The following PSMA1 variants were observed in gnomAD, a reference collection of about 807,000 sequenced individuals.
PSMA1 encodes the protein proteasome subunit alpha type-1.
Under a neutral mutation model 38.4 loss-of-function variants are expected in PSMA1, and 3 were observed. The ratio of observed to expected loss-of-function variants is 0.08; its 90% CI spans 0.04 to 0.20. The LOEUF (loss-of-function observed/expected upper bound fraction) is 0.20, where lower values mean the gene tolerates loss of function less well. Ranked by LOEUF, PSMA1 falls within the 10% of genes least tolerant of loss-of-function variation. The probability of loss-of-function intolerance (pLI) is 1.00; values close to 1 mark genes in which losing one functional copy is unlikely to be tolerated. For synonymous variants in PSMA1, 101 were observed against 107.1 expected (o/e 0.94, Z 0.35); for missense variants, 227 against 325.3 (o/e 0.70, Z 2.32).
chr11:14,533,771 A>G (rs1345056070), intron 2 of PSMA1, among the ~76,000 whole-genome samples: 2 of 151,946 alleles, frequency 1.3e-5, no homozygotes, highest in Admixed American at 6.6e-5. Flanking sequence ...CTCATTTCAC[A>G]AGACAGAGCC....
chr11:14,514,489 T>A lies in PSMA1; in HGVS notation c.257A>T (p.Asn86Ile). 1 of 1,550,360 alleles carries A rather than the reference T, an allele frequency of 6.5e-7. No homozygotes were observed. The highest frequency in any genetic ancestry group is 8.7e-7 in the Non-Finnish European group (1 of 1,155,312). ...GLTADARLLC[N>I]FMRQECLDSR... ...ATCCAAACACTCCTGACGCATAAAA[T>A]TACTAAAAAAGAAACAAAAAAAGTT... Residue 86 changes from asparagine to isoleucine, a missense_variant and splice_region_variant, in exon 5 of 10, where the codon AAT becomes ATT. Transcript: ENST00000396394.
At chr11:14,571,033 G>A (rs1424618704) in intron 2 of PSMA1, among the ~76,000 whole-genome samples, 1 of 152,192 alleles carries the variant, frequency 6.6e-6, no homozygotes, top group Non-Finnish European at 1.5e-5. Flanking sequence ...CAAGCCAGAA[G>A]AGAGTGGGGG....
chr11:14,517,764 A>T lies in PSMA1; in HGVS notation c.151-19T>A. On this transcript the variant is annotated intron_variant, in intron 3 of 9. Transcript: ENST00000396394. ...GCGCCCTCTAAATAGAGACATTATA[A>T]GATGTAAAAAAAAAAAAAAAAGAGA... is the stretch of plus-strand genomic sequence containing the variant. 1 of 1,493,102 alleles carries T rather than the reference A, an allele frequency of 6.7e-7. No homozygotes were observed. Among genetic ancestry groups the T allele is most frequent in the South Asian group, 1.2e-5 (1 of 81,056 alleles). 92.5% of individuals were successfully genotyped at this position (1,493,102 alleles called of 1,614,324 possible).
At chr11:14,530,919 A>T (rs1448779837) in intron 2 of PSMA1, among the ~76,000 whole-genome samples, 2 of 150,958 alleles carry the variant, frequency 1.3e-5, no homozygotes, top group Admixed American at 6.6e-5. Context: ...AAAAAAAAAA[A>T]ATTAGTGAAT....
At chr11:14,619,904 ATGGCAT>A (rs1437106502) in intron 1 of PSMA1, among the ~76,000 whole-genome samples, 1 of 152,228 alleles carries the variant, frequency 6.6e-6, no homozygotes, top group Non-Finnish European at 1.5e-5. Flanking sequence ...AGGTGACTAT[ATGGCAT>A]CAGAACCTAG....
chr11:14,640,814 A>C (rs1309516173), intron 1 of PSMA1, among the ~76,000 whole-genome samples: 1 of 152,184 alleles, frequency 6.6e-6, no homozygotes, highest in Non-Finnish European at 1.5e-5. Context: ...GGATGACTCT[A>C]GTTTTATAAA....
intron 2 of PSMA1, among the ~76,000 whole-genome samples, chr11:14,529,478 C>T (rs1319715903): frequency 6.6e-6 from 1 of 152,138 alleles, no homozygotes; most frequent in Admixed American, 6.5e-5. Flanking sequence ...CTCTCCTAAT[C>T]GCCACCACAT....
intron 2 of PSMA1, among the ~76,000 whole-genome samples, chr11:14,549,965 A>G (rs1851868538): frequency 6.6e-6 from 1 of 152,192 alleles, no homozygotes; most frequent in Admixed American, 6.5e-5. Context: ...TCTCAGCCTC[A>G]TCTTCTCCTA....
chr11:14,606,429 A>G (rs1220173760), intron 2 of PSMA1, among the ~76,000 whole-genome samples: 1 of 152,120 alleles, frequency 6.6e-6, no homozygotes, highest in Admixed American at 6.5e-5. Context: ...TGAAAAAGAA[A>G]AAAAGAAAAA....
At chr11:14,630,859 T>C (rs1246126065) in intron 1 of PSMA1, among the ~76,000 whole-genome samples, 3 of 152,190 alleles carry the variant, frequency 2.0e-5, no homozygotes, top group Admixed American at 6.5e-5. Flanking sequence ...TATTGGTCTG[T>C]TCAGAGATTC....
In PSMA1 at chr11:14,520,319, T is replaced by C; in HGVS notation, c.-20A>G. The C allele has an allele frequency of 6.2e-7, 1 of 1,614,180 alleles. No individual in the cohort carries two copies. Among genetic ancestry groups the C allele is most frequent in the Non-Finnish European group, 8.5e-7 (1 of 1,180,008 alleles). ...TACCATGGTGGCGGCGCGGGCCTGGTTGCGGCCTCCAGCAAAACTGAGAAT... is the reference window on the plus strand; with the variant it reads ...TACCATGGTGGCGGCGCGGGCCTGGCTGCGGCCTCCAGCAAAACTGAGAAT... On this transcript the variant is annotated 5_prime_UTR_variant, in exon 1 of 10. Transcript: ENST00000396394.
At chr11:14,641,027 T>C (rs1404299458) in intron 1 of PSMA1, among the ~76,000 whole-genome samples, 1 of 152,002 alleles carries the variant, frequency 6.6e-6, no homozygotes, top group Non-Finnish European at 1.5e-5. Context: ...AGAGATCCAC[T>C]AAGGAGTGGA....
intron 1 of PSMA1, among the ~76,000 whole-genome samples, chr11:14,636,180 T>C (rs1216403398): frequency 6.6e-6 from 1 of 152,204 alleles, no homozygotes; most frequent in African/African-American, 2.4e-5. Flanking sequence ...TAAGTGTTAA[T>C]TCATTCCTCA....
At chr11:14,637,453 G>A (rs909605730) in intron 1 of PSMA1, among the ~76,000 whole-genome samples, 2 of 152,194 alleles carry the variant, frequency 1.3e-5, no homozygotes, top group Non-Finnish European at 2.9e-5. Context: ...GACAGGGACC[G>A]TGTCTTATTC....
intron 2 of PSMA1, among the ~76,000 whole-genome samples, chr11:14,579,434 C>T (rs1165295474): frequency 1.3e-5 from 2 of 151,124 alleles, no homozygotes; most frequent in African/African-American, 4.9e-5. Context: ...GATTTAAAAT[C>T]CATCTGGATG....
chr11:14,559,644 G>A (rs575362499), intron 2 of PSMA1, among the ~76,000 whole-genome samples: 31 of 152,296 alleles, frequency 2.0e-4, no homozygotes, highest in Admixed American at 1.4e-3. Flanking sequence ...TGGGTTGCAA[G>A]GAAACAAGGT....
At chr11:14,559,366 G>A (rs1445465755) in intron 2 of PSMA1, among the ~76,000 whole-genome samples, 1 of 152,160 alleles carries the variant, frequency 6.6e-6, no homozygotes, top group African/African-American at 2.4e-5. Flanking sequence ...GAAACAAGAT[G>A]GTGACTGCTA....
At chr11:14,556,335 A>C (rs1315034545) in intron 2 of PSMA1, among the ~76,000 whole-genome samples, 1 of 152,166 alleles carries the variant, frequency 6.6e-6, no homozygotes, top group Non-Finnish European at 1.5e-5. Flanking sequence ...TAAAGGCATT[A>C]CTTCTTTGTC....
chr11:14,521,581 C>T (rs1851531020), upstream of PSMA1, among the ~76,000 whole-genome samples: 1 of 150,956 alleles, frequency 6.6e-6, no homozygotes, highest in African/African-American at 2.4e-5. Context: ...GTCAGGAGAT[C>T]GGACCATCCT....
Sources: allele counts gnomAD v4.1 joint callset (sites outside exome capture counted in the v4.1 genomes callset), GRCh38; gene constraint gnomAD v4.1.1; transcripts MANE v1.5; gene names NCBI Gene and HGNC (gene_info 2026-07-23, HGNC 2026-07-21).